C3: variants seen among roughly 807,000 people sequenced by gnomAD.
C3 encodes the protein C3 and PZP-like alpha-2-macroglobulin domain-containing protein 1.
Under a neutral mutation model 207.9 loss-of-function variants are expected in C3, and 97 were observed. The ratio of observed to expected loss-of-function variants is 0.47; its 90% confidence interval spans 0.40 to 0.55. C3 has a LOEUF of 0.55. C3 is among the 20% of genes least tolerant of loss of function. The probability of loss-of-function intolerance (pLI) is 0.00; values close to 1 mark genes in which losing one functional copy is unlikely to be tolerated. For missense variants in C3, 1,684 were observed against 2,171.7 expected (o/e 0.78, Z 4.46); for synonymous variants, 848 against 857.6 (o/e 0.99, Z 0.20).
chr19:6,690,780 G>T, intron 26 of C3, 53 bp from the exon 27 acceptor site: 1 of 1,368,406 alleles, frequency 7.3e-7, no homozygotes, highest in Non-Finnish European at 1.0e-6. Flanking sequence ...TCCACACATG[G>T]CAGTCATCCC....
rs1045773183 is a variant in C3, at chr19:6,696,603, G to A, written c.2853C>T (p.Arg951=). Residue 951 remains arginine, a synonymous_variant, in exon 22 of 41, where the codon CGC becomes CGT. Coordinates refer to ENST00000245907, the MANE Select transcript of C3 (RefSeq NM_000064.4). ...TVAVRTLDPE[R]LGREGVQKED... is the part of the protein sequence containing the mutation. Reference sequence around the variant, plus strand: ...CTGCAGCCGACTCACCACGGCCCAGGCGTTCTGGATCCAGGGTGCGAACAG... The same window carrying A: ...CTGCAGCCGACTCACCACGGCCCAGACGTTCTGGATCCAGGGTGCGAACAG... The A allele has an allele frequency of 3.7e-6, 6 of 1,613,900 alleles. No homozygotes were observed. The highest frequency in any genetic ancestry group is 3.3e-5 in the Admixed American group (2 of 59,982).
chr19:6,677,751 G>T lies in C3; in HGVS notation c.*131C>A, dbSNP rs1307202089. ...GAGAAAATGCGGTGGGAACAGGTGA[G>T]GTTTCAAGTAGGATGGAGCTGAGCT... On this transcript the variant is annotated 3_prime_UTR_variant, in exon 41 of 41. Coordinates refer to ENST00000245907, the MANE Select transcript of C3 (RefSeq NM_000064.4). 5.2e-6 allele frequency: 6 copies of T among 1,144,280 alleles called. No individual in the cohort carries two copies. Among genetic ancestry groups the T allele is most frequent in the Non-Finnish European group, 7.6e-6 (6 of 791,714 alleles). 70.9% of individuals were successfully genotyped at this position (1,144,280 alleles called of 1,614,324 possible).
Position 6,718,366 on chromosome 19 carries a change from A to G in C3, c.314T>C (p.Phe105Ser). Residue 105 changes from phenylalanine to serine, a missense_variant, in exon 3 of 41, where the codon TTC (phenylalanine) becomes TCC (serine). This residue lies in a region of C3 where 1,280 missense variants were observed against 1,739.1 expected (regional missense o/e 0.74). Coordinates refer to ENST00000245907, the MANE Select transcript of C3 (RefSeq NM_000064.4). ...EFKSEKGRNK[F>S]VTVQATFGTQ... ...CCCGAAGGTGGCCTGCACGGTCACGAACTTGTTGCGCCCCTTTTCTGACTT... is the reference window on the plus strand; with the variant it reads ...CCCGAAGGTGGCCTGCACGGTCACGGACTTGTTGCGCCCCTTTTCTGACTT... The G allele has an allele frequency of 6.2e-7, 1 of 1,614,154 alleles. No individual in the cohort carries two copies. Among genetic ancestry groups the G allele is most frequent in the Non-Finnish European group, 8.5e-7 (1 of 1,180,034 alleles).
rs1967817226 is a variant in C3 at position 6,707,935 on chromosome 19, G to C, written c.1846-6C>G. 6.2e-7 allele frequency: 1 copy of C among 1,613,506 alleles called. No homozygotes were observed. Among genetic ancestry groups the C allele is most frequent in the Admixed American group, 1.7e-5 (1 of 59,998 alleles). ...TTCTCCACCACGTCCCAGATCTGCG[G>C]GGGGCATAGGGGTGGCGGGACGCAG... On this transcript the variant is annotated splice_region_variant and splice_polypyrimidine_tract_variant and intron_variant, in intron 14 of 40. Coordinates refer to ENST00000245907, the MANE Select transcript of C3 (RefSeq NM_000064.4).
At position 6,710,758 on chromosome 19, in the gene C3, T is replaced by A; in HGVS notation, c.1567A>T (p.Thr523Ser). The change falls in exon 13 of 41, where the codon ACC (threonine) becomes TCC (serine). Residue 523 changes from threonine to serine, a missense_variant. Physicochemically the swap from Thr to Ser is moderately conservative, Grantham distance 58. Coordinates refer to ENST00000245907, the MANE Select transcript of C3 (RefSeq NM_000064.4). ...AGGCGGAAGGAAGGGATGAAGTCGGTGGTGATGGACAGGGGCAGCACCACC... is the reference window on the plus strand; with the variant it reads ...AGGCGGAAGGAAGGGATGAAGTCGGAGGTGATGGACAGGGGCAGCACCACC... Reference protein sequence around the residue: ...DLVVLPLSITTDFIPSFRLVA... With the variant: ...DLVVLPLSITSDFIPSFRLVA... 6.2e-7 allele frequency: 1 copy of A among 1,613,754 alleles called. No individual in the cohort carries two copies. Among genetic ancestry groups the A allele is most frequent in the South Asian group, 1.1e-5 (1 of 91,086 alleles).
In C3 at chr19:6,713,248, C is replaced by T. The variant is rs761503659; in HGVS notation, c.944G>A (p.Arg315Gln). ...AGACTTCCCCACCAGGTCTTCTGCT[C>T]GGGGGTTCTGCACCCCGTCCAGCAG... is the stretch of plus-strand genomic sequence containing the variant. ...KVLLDGVQNP[R>Q]AEDLVGKSLY... The change falls in exon 9 of 41, where the codon CGA becomes CAA. Residue 315 changes from arginine (R) to glutamine (Q), a missense_variant. Physicochemically the swap from Arg to Gln is conservative, Grantham distance 43 (BLOSUM62 1). Transcript: ENST00000245907. 64 of 1,613,538 alleles carry T rather than the reference C, an allele frequency of 4.0e-5. No homozygotes were observed. The highest frequency in any genetic ancestry group is 1.1e-4 in the East Asian group (5 of 44,892).
At chr19:6,718,684 A>G (rs544007777) in intron 2 of C3, among the ~76,000 whole-genome samples, 22 of 144,750 alleles carry the variant, frequency 1.5e-4, no homozygotes, top group Non-Finnish European at 3.2e-4. Flanking sequence ...AGGGGCTGAC[A>G]TGGGAGGGGC....
chr19:6,677,910 C>T lies in C3; in HGVS notation c.4964G>A (p.Ser1655Asn), dbSNP rs781349404. 2 of 1,614,088 alleles carry T rather than the reference C, an allele frequency of 1.2e-6. No homozygotes were observed. The highest frequency in any genetic ancestry group is 3.3e-4 in the Middle Eastern group (2 of 6,062). ...GTTGGGGCACCCAAAGACAACCATG[C>T]TCTCGGTGAAGGCGCCGAGGTCCTG... ...QCQDLGAFTE[S>N]MVVFGCPN Residue 1655 changes from serine (S) to asparagine (N), a missense_variant, in exon 41 of 41, where the codon AGC (serine) becomes AAC (asparagine). Transcript: ENST00000245907.
At position 6,711,040 on chromosome 19, in the gene C3, G is replaced by T. The variant is rs1443845490; in HGVS notation, c.1426C>A (p.Leu476Ile). 2 of 1,614,190 alleles carry T rather than the reference G, an allele frequency of 1.2e-6. No individual in the cohort carries two copies. Among genetic ancestry groups the T allele is most frequent in the Non-Finnish European group, 1.7e-6 (2 of 1,180,026 alleles). ...RPGETLNVNF[L>I]LRMDRAHEAK... The stretch of plus-strand genomic sequence containing the variant: ...TCGTGGGCGCGGTCCATTCGCAGGA[G>T]GAAGTTGACGTTGAGGGTCTCCCCG... The change falls in exon 12 of 41, where the codon CTC becomes ATC. Residue 476 changes from leucine (L) to isoleucine (I), a missense_variant. Transcript: ENST00000245907.
rs372976419 is a variant in C3, at chr19:6,686,799, T to C, written c.3593A>G (p.Gln1198Arg). Residue 1198 changes from glutamine to arginine, a missense_variant, in exon 28 of 41, where the codon CAG becomes CGG. Physicochemically the swap from Gln to Arg is conservative, Grantham distance 43 (BLOSUM62 1). This residue lies in a region of C3 where 1,280 missense variants were observed against 1,739.1 expected (regional missense o/e 0.74). Transcript: ENST00000245907. The stretch of plus-strand genomic sequence containing the variant: ...AAGAGGCCCCTTCAGCCTGCCCATC[T>C]GGGCCAGAGCATAGCCAGCAATGGC... ...TVAIAGYALA[Q>R]MGRLKGPLLN... 34 of 1,614,096 alleles carry C rather than the reference T, an allele frequency of 2.1e-5. No homozygotes were observed. Among genetic ancestry groups the C allele is most frequent in the Non-Finnish European group, 2.7e-5 (32 of 1,180,040 alleles).
chr19:6,717,549 G>C (rs1252596351), intron 4 of C3: 1 of 255,632 alleles, frequency 3.9e-6, no homozygotes, highest in Non-Finnish European at 7.7e-6. Context: ...GTGTGGTTGT[G>C]TATGTTGTGT....
rs769282947 is a variant in C3, at chr19:6,713,953, T to TCACCTGGCTCTTACCTGGCCCCA, written c.773+16_773+38dup. 3.1e-5 allele frequency: 36 copies of TCACCTGGCTCTTACCTGGCCCCA among 1,177,040 alleles called. No homozygotes were observed. In the South Asian group the frequency reaches 4.4e-4, roughly 14 times the overall value. 72.9% of individuals were successfully genotyped at this position (1,177,040 alleles called of 1,614,324 possible). A position where few individuals can be genotyped will look rare whatever the true frequency, so the allele number is the denominator to read the frequency against. ...CCCCACCTGGTCTTCACCTGGTCCC[T>TCACCTGGCTCTTACCTGGCCCCA]CACCTGGCTCTTACCTGGCCCCACC... On this transcript the variant is annotated intron_variant, in intron 7 of 40. Coordinates refer to ENST00000245907, the MANE Select transcript of C3 (RefSeq NM_000064.4).
chr19:6,702,349 A>C (rs1003719631), intron 18 of C3, 122 bp downstream of exon 18: 2 of 969,914 alleles, frequency 2.1e-6, no homozygotes, highest in African/African-American at 3.2e-5. Flanking sequence ...CCAATTCCTG[A>C]TTTTTCTAGG....
chr19:6,692,765 C>T (rs887249373), intron 26 of C3, among the ~76,000 whole-genome samples, 159 bp downstream of exon 26: 1 of 152,122 alleles, frequency 6.6e-6, no homozygotes, highest in African/African-American at 2.4e-5. Flanking sequence ...GCTGGAGTGA[C>T]GCCTCTGGCT....
intron 35 of C3, among the ~76,000 whole-genome samples, chr19:6,680,863 G>A (rs980311930): frequency 2.0e-5 from 3 of 152,076 alleles, no homozygotes; most frequent in Non-Finnish European, 2.9e-5. Context: ...CCCAAATCAT[G>A]GTAGAGATGA....
rs143373043 is a variant in C3, at chr19:6,678,508, G to T, written c.4631-53C>A. The T allele has an allele frequency of 1.6e-3, 2,411 of 1,511,028 alleles. 32 individuals are homozygous for T. The African/African-American group carries it at 0.029, about 18-fold the overall frequency. 93.6% of individuals were successfully genotyped at this position (1,511,028 alleles called of 1,614,324 possible). On this transcript the variant is annotated intron_variant, in intron 38 of 40. Coordinates refer to ENST00000245907, the MANE Select transcript of C3 (RefSeq NM_000064.4). ...TGGTGGGCTAGGTTGACCATGAGGG[G>T]CACCCTGGTTTGCAAGTGCACCCGG...
chr19:6,716,718 T>C (rs1968041032), intron 4 of C3: 1 of 152,178 alleles, frequency 6.6e-6, no homozygotes, highest in African/African-American at 2.4e-5. Flanking sequence ...TGGAGGGATT[T>C]AGGTTCAATA....
chr19:6,710,905 A>T, intron 12 of C3, 60 bp from the exon 13 acceptor site: 1 of 1,602,592 alleles, frequency 6.2e-7, no homozygotes, highest in African/African-American at 1.3e-5. Flanking sequence ...GCAGGGAGGG[A>T]TCCGGGATGG....
At chr19:6,708,050 C>T in intron 14 of C3, 121 bp from the exon 15 acceptor site, 1 of 1,112,102 alleles carries the variant, frequency 9.0e-7, no homozygotes, top group Non-Finnish European at 1.3e-6. Flanking sequence ...TCATCTCCCC[C>T]ATTCCTGCTT....
Sources: gnomAD v4.1 joint callset for allele counts (sites outside exome capture counted in the v4.1 genomes callset) on GRCh38, gnomAD v4.1.1 for gene constraint, gnomAD v4.1.1 regional missense constraint, MANE v1.5 for transcripts, NCBI Gene and HGNC (gene_info 2026-07-23, HGNC 2026-07-21) for gene names.